Variants in EDDM13 observed in about 807,000 individuals in gnomAD.
EDDM13 encodes the protein epididymal protein 13.
EDDM13 carries 24 observed loss-of-function variants against 17.8 expected under a neutral mutation model. That is an observed-to-expected ratio of 1.35 (90% confidence interval 0.98 to 1.90). The LOEUF (loss-of-function observed/expected upper bound fraction) is 1.90, where lower values mean the gene tolerates loss of function less well. EDDM13 is among the 40% of genes most tolerant of loss of function. EDDM13 has a pLI of 0.00. For synonymous variants in EDDM13, 31 were observed against 37.5 expected (o/e 0.83, Z 0.63); for missense variants, 97 against 100.8 (o/e 0.96, Z 0.16).
intron 9 of EDDM13, among the ~76,000 whole-genome samples, chr19:56,293,707 C>T (rs902564849): frequency 2.0e-5 from 3 of 152,164 alleles, no homozygotes; most frequent in South Asian, 4.1e-4. Context: ...GGAGATTTCG[C>T]CCCTCAGGGG....
intron 12 of EDDM13, among the ~76,000 whole-genome samples, chr19:56,300,217 T>C (rs2040138446): frequency 6.6e-6 from 1 of 152,090 alleles, no homozygotes; most frequent in Admixed American, 6.6e-5. Context: ...GCGAAGAGAC[T>C]GCAAAGACAG....
intron 12 of EDDM13, among the ~76,000 whole-genome samples, chr19:56,300,676 G>A (rs1274825553): frequency 6.6e-6 from 1 of 152,194 alleles, no homozygotes; most frequent in African/African-American, 2.4e-5. Context: ...GGGACAAGGA[G>A]TAATCGCTTC....
At chr19:56,292,687 A>C (rs543833230) in intron 9 of EDDM13, among the ~76,000 whole-genome samples, 46 of 150,868 alleles carry the variant, frequency 3.0e-4, no homozygotes, top group Middle Eastern at 3.4e-3. Context: ...CTGCCCCACC[A>C]AAAAAAAAGT....
chr19:56,278,094 A>G (rs1484012003), intron 2 of EDDM13, among the ~76,000 whole-genome samples: 1 of 134,886 alleles, frequency 7.4e-6, no homozygotes, highest in East Asian at 2.0e-4. Context: ...GTCTGTCACA[A>G]TGTGCTATTT....
chr19:56,280,438 A>C (rs1308238592), intron 2 of EDDM13, among the ~76,000 whole-genome samples: 1 of 152,044 alleles, frequency 6.6e-6, no homozygotes, highest in African/African-American at 2.4e-5. Flanking sequence ...TTAGACATAT[A>C]GGATATATAT....
chr19:56,276,575 C>T (rs1320936444), intron 2 of EDDM13, among the ~76,000 whole-genome samples: 3 of 150,114 alleles, frequency 2.0e-5, no homozygotes, highest in Non-Finnish European at 3.0e-5. Flanking sequence ...CTCGCTCTGT[C>T]GCCCAGGCTG....
intron 1 of EDDM13, among the ~76,000 whole-genome samples, chr19:56,274,096 G>C (rs2038065433): frequency 6.6e-6 from 1 of 152,146 alleles, no homozygotes; most frequent in African/African-American, 2.4e-5. Context: ...ATGCAGAAAG[G>C]CTCTCTTTAT....
At chr19:56,280,722 A>C (rs1167320459) in intron 2 of EDDM13, 3 of 152,132 alleles carry the variant, frequency 2.0e-5, no homozygotes, top group African/African-American at 7.2e-5. Flanking sequence ...GGACAGAGAG[A>C]GAGACAGAAA....
In EDDM13 at chr19:56,288,368, C is replaced by T. The variant is rs1006993536; in HGVS notation, c.155-17C>T. On this transcript the variant is annotated splice_polypyrimidine_tract_variant and intron_variant, in intron 6 of 14. Coordinates refer to ENST00000649256, the MANE Select transcript of EDDM13 (RefSeq NM_001354658.2). ...TTCCAAATTTCTTCACCCAGCTAAC[C>T]CCTGCTCATCTTCCAGGTCTCAGAC... 2.0e-5 allele frequency among the ~76,000 whole-genome samples: 3 copies of T among 152,176 alleles called. No homozygotes were observed. The highest frequency in any genetic ancestry group is 4.4e-5 in the Non-Finnish European group (3 of 68,036).
intron 4 of EDDM13, 113 bp from the exon 5 acceptor site, chr19:56,284,085 G>A (rs777065304): frequency 2.1e-5 from 17 of 809,058 alleles, no homozygotes; most frequent in Non-Finnish European, 2.4e-5. Flanking sequence ...ATCTGACCTC[G>A]TTTTTGGTTT....
chr19:56,284,719 G>A (rs2038974738), intron 5 of EDDM13, among the ~76,000 whole-genome samples: 1 of 151,924 alleles, frequency 6.6e-6, no homozygotes, highest in Admixed American at 6.6e-5. Context: ...TGGCCATGTT[G>A]TCCAGGCTGG....
chr19:56,299,467 A>C (rs2040090715), intron 12 of EDDM13, among the ~76,000 whole-genome samples: 1 of 152,036 alleles, frequency 6.6e-6, no homozygotes, highest in Non-Finnish European at 1.5e-5. Context: ...AATCTCAGCT[A>C]GCTAGGAGTA....
At chr19:56,295,432 T>C (rs954766142) in intron 9 of EDDM13, among the ~76,000 whole-genome samples, 8 of 151,906 alleles carry the variant, frequency 5.3e-5, no homozygotes, top group African/African-American at 1.9e-4. Flanking sequence ...CCGTTTCTAC[T>C]AAAAATACAA....
intron 1 of EDDM13, chr19:56,274,486 T>A (rs1262900539): frequency 2.0e-5 from 3 of 150,984 alleles, no homozygotes; most frequent in African/African-American, 7.3e-5. Flanking sequence ...AAAAACTCTG[T>A]AGAGGAACAC....
chr19:56,292,219 CAT>C (rs1280182427), intron 9 of EDDM13, among the ~76,000 whole-genome samples: 1 of 152,320 alleles, frequency 6.6e-6, no homozygotes, highest in East Asian at 1.9e-4. Context: ...ATGTGGGTAA[CAT>C]ACATCTTTTA....
intron 11 of EDDM13, among the ~76,000 whole-genome samples, chr19:56,297,045 G>C (rs2039920390): frequency 6.6e-6 from 1 of 151,088 alleles, no homozygotes; most frequent in Non-Finnish European, 1.5e-5. Flanking sequence ...CTCCAGCCTG[G>C]GTGACAAGAG....
intron 9 of EDDM13, among the ~76,000 whole-genome samples, chr19:56,291,646 T>A (rs2039516029): frequency 6.6e-6 from 1 of 152,134 alleles, no homozygotes; most frequent in Non-Finnish European, 1.5e-5. Context: ...AAGAGTCTTG[T>A]TTCACATTTG....
At chr19:56,279,533 G>A (rs1472294943) in intron 2 of EDDM13, among the ~76,000 whole-genome samples, 6 of 152,090 alleles carry the variant, frequency 3.9e-5, no homozygotes, top group South Asian at 4.1e-4. Flanking sequence ...TTTAAAATAC[G>A]TCATGCAATT....
chr19:56,279,530 T>C (rs1366017387), intron 2 of EDDM13, among the ~76,000 whole-genome samples: 1 of 152,220 alleles, frequency 6.6e-6, no homozygotes, highest in Non-Finnish European at 1.5e-5. Context: ...GAATTTAAAA[T>C]ACGTCATGCA....
Sources: gnomAD v4.1 joint callset for allele counts (sites outside exome capture counted in the v4.1 genomes callset) on GRCh38, gnomAD v4.1.1 for gene constraint, MANE v1.5 for transcripts, NCBI Gene and HGNC (gene_info 2026-07-23, HGNC 2026-07-21) for gene names.